PRKAR1B: variants seen among roughly 807,000 people sequenced by gnomAD.
The protein encoded by PRKAR1B is protein kinase cAMP-dependent type I regulatory subunit beta.
PRKAR1B carries 22 observed loss-of-function variants against 46.5 expected under a neutral mutation model. The ratio of observed to expected loss-of-function variants is 0.47; its 90% CI spans 0.34 to 0.68. PRKAR1B has a LOEUF of 0.68. Ranked by LOEUF, PRKAR1B falls within the 30% of genes least tolerant of loss-of-function variation. PRKAR1B has a pLI of 0.01. For synonymous variants in PRKAR1B, 259 were observed against 217.7 expected, an observed-to-expected ratio of 1.19 and a Z score of -1.67; for missense variants, 445 against 535.6, an observed-to-expected ratio of 0.83 and a Z score of 1.67.
intron 7 of PRKAR1B, among the ~76,000 whole-genome samples, chr7:587,748 G>A (rs534620360): frequency 3.3e-5 from 5 of 152,296 alleles, no homozygotes; most frequent in African/African-American, 7.2e-5. Context: ...GGGATGGAGC[G>A]GGACTCCAGC....
At chr7:653,504 A>C (rs1014396021) in intron 4 of PRKAR1B, among the ~76,000 whole-genome samples, 1 of 152,170 alleles carries the variant, frequency 6.6e-6, no homozygotes, top group Non-Finnish European at 1.5e-5. Flanking sequence ...ACCACTGCTA[A>C]GCAAGGCCAC....
At chr7:552,009 A>C (rs78671769) in intron 9 of PRKAR1B, among the ~76,000 whole-genome samples, 5 of 24,682 alleles carry the variant, frequency 2.0e-4, no homozygotes, top group Admixed American at 6.5e-4. Flanking sequence ...CCCACCTCCC[A>C]CCCAGGTCCT....
At position 619,014 on chromosome 7, in the gene PRKAR1B, G is replaced by GCCATCACAGAGCA. The variant is rs1278988085; in HGVS notation, c.441-11575_441-11563dup. 2.0e-5 allele frequency among the ~76,000 whole-genome samples: 3 copies of GCCATCACAGAGCA among 152,290 alleles called. No individual in the cohort carries two copies. In the East Asian group the frequency reaches 5.8e-4, roughly 29 times the overall value. On this transcript the variant is annotated intron_variant, in intron 4 of 10. Transcript: ENST00000537384. Reference sequence around the variant, plus strand: ...ACTCTCCGACATGTCTGCCTGGGCTGCCATCACAGAGCACCACAGACTGGC... The same window carrying GCCATCACAGAGCA: ...ACTCTCCGACATGTCTGCCTGGGCTGCCATCACAGAGCACCATCACAGAGCACCACAGACTGGC...
intron 9 of PRKAR1B, among the ~76,000 whole-genome samples, chr7:553,047 C>G (rs960122953): frequency 4.6e-5 from 7 of 152,246 alleles, no homozygotes; most frequent in African/African-American, 1.7e-4. Flanking sequence ...AGCTGAATGT[C>G]CCCTGGACTC....
chr7:705,818 G>A (rs371434194), intron 2 of PRKAR1B, among the ~76,000 whole-genome samples: 1 of 152,172 alleles, frequency 6.6e-6, no homozygotes, highest in African/African-American at 2.4e-5. Context: ...CCTGAGGTCA[G>A]GAGTTCAAGA....
chr7:711,562 A>G, intron 1 of PRKAR1B, 35 bp from the exon 2 acceptor site: 1 of 1,585,998 alleles, frequency 6.3e-7, no homozygotes, highest in Non-Finnish European at 8.6e-7. Flanking sequence ...CAGGCCTGAG[A>G]GCTGCCCGGG....
intron 4 of PRKAR1B, among the ~76,000 whole-genome samples, chr7:670,760 G>A (rs1169021791): frequency 1.3e-5 from 2 of 149,880 alleles, no homozygotes; most frequent in African/African-American, 2.4e-5. Flanking sequence ...GCTCCCCCAC[G>A]CCACGGCATC....
At chr7:705,228 G>A (rs35217201) in intron 2 of PRKAR1B, among the ~76,000 whole-genome samples, 72,704 of 150,456 alleles carry the variant, frequency 0.48, 17,715 homozygotes, top group Admixed American at 0.54. Context: ...ACCTGAACGC[G>A]GGGAGCAGAG....
chr7:636,363 GCCGCGCCCAC>G (rs1562579188), intron 4 of PRKAR1B, among the ~76,000 whole-genome samples: 616 of 32,050 alleles, frequency 0.019, 58 homozygotes, highest in Non-Finnish European at 0.027. Context: ...TCCTCCACCG[GCCGCGCCCAC>G]ACGTCCTCCA....
intron 2 of PRKAR1B, among the ~76,000 whole-genome samples, chr7:705,328 G>GA (rs375633603): frequency 3.0e-4 from 40 of 134,236 alleles, no homozygotes; most frequent in Admixed American, 5.2e-4. Flanking sequence ...AAAGAAAAAA[G>GA]AAAAAAAAAA....
intron 4 of PRKAR1B, among the ~76,000 whole-genome samples, chr7:675,312 A>G (rs1174483099): frequency 6.6e-6 from 1 of 152,220 alleles, no homozygotes; most frequent in East Asian, 1.9e-4. Flanking sequence ...GTGTGTTCCC[A>G]GGGTCCCCAC....
intron 2 of PRKAR1B, 106 bp downstream of exon 2, chr7:711,223 G>A: frequency 1.4e-6 from 2 of 1,451,460 alleles, no homozygotes; most frequent in Non-Finnish European, 1.9e-6. Flanking sequence ...AGTCTCTGGG[G>A]CACCCAGCCT....
chr7:583,469 ACT>A (rs1460503673), intron 8 of PRKAR1B, among the ~76,000 whole-genome samples: 3 of 141,124 alleles, frequency 2.1e-5, no homozygotes, highest in East Asian at 4.3e-4. Flanking sequence ...ACACACGTGC[ACT>A]CACACCCACG....
At chr7:556,240 C>T (rs555397577) in intron 9 of PRKAR1B, among the ~76,000 whole-genome samples, 3 of 152,184 alleles carry the variant, frequency 2.0e-5, no homozygotes, top group South Asian at 2.1e-4. Context: ...ACACCCACCA[C>T]GTGCCAGGCA....
At position 602,333 on chromosome 7, in the gene PRKAR1B, CCTCA is replaced by C. The variant is rs1324572176; in HGVS notation, c.549+3856_549+3859del. On this transcript the variant is annotated intron_variant, in intron 6 of 10. Coordinates refer to ENST00000537384, the MANE Select transcript of PRKAR1B (RefSeq NM_001164760.2). The surrounding 1 kb of genome is among the most constrained non-coding windows in gnomAD (Gnocchi z 6.4). ...TGGAAGGACGGAGGGAAGGGAGATG[CCTCA>C]CTGAGTCCAGAGGTCGAGGGGTGGG... 1.3e-5 allele frequency among the ~76,000 whole-genome samples: 2 copies of C among 152,106 alleles called. No individual in the cohort carries two copies. Among genetic ancestry groups the C allele is most frequent in the Non-Finnish European group, 2.9e-5 (2 of 67,998 alleles).
At chr7:582,658 C>T (rs1009815622) in intron 8 of PRKAR1B, among the ~76,000 whole-genome samples, 64 of 152,232 alleles carry the variant, frequency 4.2e-4, no homozygotes, top group African/African-American at 1.4e-3. Flanking sequence ...CACCAGCCCT[C>T]GCCCGGAGCA....
At chr7:609,547 T>C (rs1421844757) in intron 4 of PRKAR1B, among the ~76,000 whole-genome samples, 2 of 152,168 alleles carry the variant, frequency 1.3e-5, no homozygotes, top group African/African-American at 2.4e-5. Context: ...ACTTCACACA[T>C]GGGCATCCGT....
chr7:634,829 G>C (rs953202269), intron 4 of PRKAR1B, among the ~76,000 whole-genome samples: 1 of 151,744 alleles, frequency 6.6e-6, no homozygotes, highest in Non-Finnish European at 1.5e-5. Context: ...TAGTAGAGTC[G>C]GGGTTTCACC....
chr7:578,962 G>A lies in PRKAR1B; in HGVS notation c.891+294C>T, dbSNP rs573058927. 3,374 of 1,175,240 alleles carry A rather than the reference G, an allele frequency of 2.9e-3. 37 individuals are homozygous for A. The highest frequency in any genetic ancestry group is 0.023 in the South Asian group (1,443 of 63,280). 72.8% of individuals were successfully genotyped at this position (1,175,240 alleles called of 1,614,324 possible). ...CTCCCACAGTGCTGGGATGACAGGCGTGAGCCGCCGCGCCCGGCCAGTTTC... is the reference window on the plus strand; with the variant it reads ...CTCCCACAGTGCTGGGATGACAGGCATGAGCCGCCGCGCCCGGCCAGTTTC... On this transcript the variant is annotated intron_variant, in intron 9 of 10. Coordinates refer to ENST00000537384, the MANE Select transcript of PRKAR1B (RefSeq NM_001164760.2).
Sources: gnomAD v4.1 joint callset for allele counts (sites outside exome capture counted in the v4.1 genomes callset) on GRCh38, gnomAD v4.1.1 for gene constraint, Gnocchi (gnomAD v3.1) non-coding constraint, MANE v1.5 for transcripts, NCBI Gene and HGNC (gene_info 2026-07-23, HGNC 2026-07-21) for gene names.